Variants in CCDC171 observed in about 807,000 individuals in gnomAD.
The protein encoded by CCDC171 is coiled-coil domain-containing protein 171.
Under a neutral mutation model 168.2 loss-of-function variants are expected in CCDC171, and 177 were observed. That is an observed-to-expected ratio of 1.05 (90% CI 0.93 to 1.19). The LOEUF (loss-of-function observed/expected upper bound fraction) is 1.19, where lower values mean the gene tolerates loss of function less well. Ranked by LOEUF, CCDC171 falls within the 50% of genes most tolerant of loss-of-function variation. The pLI, the probability that CCDC171 is intolerant of heterozygous loss-of-function variation, is 0.00. For synonymous variants in CCDC171, 687 were observed against 540.8 expected, an observed-to-expected ratio of 1.27 and a Z score of -3.75; for missense variants, 1,991 against 1,539.0, an observed-to-expected ratio of 1.29 and a Z score of -4.91.
intron 7 of CCDC171, among the ~76,000 whole-genome samples, chr9:15,634,808 C>T (rs774960702): frequency 6.6e-5 from 10 of 152,084 alleles, no homozygotes; most frequent in Admixed American, 1.3e-4. Context: ...TTTCCTATTC[C>T]CCTTTCCTCT....
Position 15,971,889 on chromosome 9 carries a change from T to A in CCDC171, c.*53T>A. ...AGTTAACAGTACAATTAAAATTGTT[T>A]TGAATGGGAATTTTCTTATCAGTTG... On this transcript the variant is annotated 3_prime_UTR_variant, in exon 26 of 26. Transcript: ENST00000380701. 2 of 1,456,940 alleles carry A rather than the reference T, an allele frequency of 1.4e-6. No individual in the cohort carries two copies. The highest frequency in any genetic ancestry group is 1.4e-5 in the African/African-American group (1 of 71,234). 90.3% of individuals were successfully genotyped at this position (1,456,940 alleles called of 1,614,324 possible).
At chr9:15,730,870 A>G (rs541324580) in intron 16 of CCDC171, among the ~76,000 whole-genome samples, 1 of 152,146 alleles carries the variant, frequency 6.6e-6, no homozygotes, top group South Asian at 2.1e-4. Context: ...TTAATTTTGT[A>G]GAGGTAGCAT....
At chr9:15,939,759 G>A (rs2987068) in intron 25 of CCDC171, among the ~76,000 whole-genome samples, 150,119 of 151,966 alleles carry the variant, frequency 0.99, 74,170 homozygotes, top group Middle Eastern at 1. Context: ...GCATTCTGCT[G>A]CTTAAAAATT....
At chr9:16,012,783 G>T (rs1392549511) in intron 3 of CCDC171, among the ~76,000 whole-genome samples, 1 of 152,144 alleles carries the variant, frequency 6.6e-6, no homozygotes, top group African/African-American at 2.4e-5. Flanking sequence ...ATATTCCCCA[G>T]TGTCTGGGAT....
intron 25 of CCDC171, among the ~76,000 whole-genome samples, chr9:15,948,154 C>A (rs550861530): frequency 2.0e-5 from 3 of 151,662 alleles, no homozygotes; most frequent in Admixed American, 6.6e-5. Flanking sequence ...AGGACATGAA[C>A]TCATCATTTT....
At chr9:15,809,576 C>T (rs766375638) in intron 21 of CCDC171, among the ~76,000 whole-genome samples, 10 of 151,904 alleles carry the variant, frequency 6.6e-5, no homozygotes, top group South Asian at 2.1e-4. Flanking sequence ...CAGACTTTCG[C>T]GGTGTGTGTT....
At chr9:15,671,626 G>T (rs1587867125) in intron 9 of CCDC171, among the ~76,000 whole-genome samples, 1 of 150,574 alleles carries the variant, frequency 6.6e-6, no homozygotes, top group African/African-American at 2.4e-5. Flanking sequence ...TTCTGTCCTT[G>T]TGATAGTTTG....
chr9:15,925,341 A>C (rs1291375390), intron 25 of CCDC171, among the ~76,000 whole-genome samples: 1 of 151,506 alleles, frequency 6.6e-6, no homozygotes, highest in Non-Finnish European at 1.5e-5. Flanking sequence ...CTAGATCAGG[A>C]AAAGGGGAGT....
intron 8 of CCDC171, among the ~76,000 whole-genome samples, chr9:15,663,902 G>T (rs1023838700): frequency 6.6e-6 from 1 of 151,980 alleles, no homozygotes; most frequent in African/African-American, 2.4e-5. Flanking sequence ...CACCGCGCCC[G>T]GCTGAGAATT....
At chr9:15,955,063 A>T (rs1266402202) in intron 25 of CCDC171, among the ~76,000 whole-genome samples, 1 of 152,116 alleles carries the variant, frequency 6.6e-6, no homozygotes, top group African/African-American at 2.4e-5. Context: ...TAACTCTGGA[A>T]ATCAGATTTT....
intron 10 of CCDC171, among the ~76,000 whole-genome samples, chr9:15,694,981 T>C (rs1347918164): frequency 1.3e-5 from 2 of 152,304 alleles, no homozygotes; most frequent in Admixed American, 6.5e-5. Flanking sequence ...ATTGTGAGGA[T>C]AAAATGAATT....
intron 7 of CCDC171, among the ~76,000 whole-genome samples, chr9:15,648,701 GAC>G (rs2047247819): frequency 6.6e-6 from 1 of 152,128 alleles, no homozygotes; most frequent in Admixed American, 6.6e-5. Flanking sequence ...GGATGTGAAA[GAC>G]TTCTTCAAGG....
chr9:15,929,074 T>C (rs1475446554), intron 25 of CCDC171, among the ~76,000 whole-genome samples: 1 of 151,282 alleles, frequency 6.6e-6, no homozygotes, highest in Non-Finnish European at 1.5e-5. Flanking sequence ...ATATTAGATA[T>C]ATATTATTTT....
chr9:15,555,084 G>A (rs1422513696), intron 1 of CCDC171, among the ~76,000 whole-genome samples: 3 of 152,134 alleles, frequency 2.0e-5, no homozygotes, highest in Non-Finnish European at 4.4e-5. Flanking sequence ...TACCAGTAGT[G>A]GCTCCGAAAT....
At chr9:15,823,569 A>G (rs1381874708) in intron 21 of CCDC171, among the ~76,000 whole-genome samples, 1 of 152,124 alleles carries the variant, frequency 6.6e-6, no homozygotes, top group African/African-American at 2.4e-5. Flanking sequence ...GATACATAAT[A>G]TTGCTTACAT....
chr9:15,645,926 A>G (rs2046999493), intron 7 of CCDC171, among the ~76,000 whole-genome samples: 1 of 152,180 alleles, frequency 6.6e-6, no homozygotes, highest in African/African-American at 2.4e-5. Context: ...GAGAAGAGCA[A>G]TTCCAAGACA....
At chr9:15,878,018 A>C (rs926031535) in intron 24 of CCDC171, among the ~76,000 whole-genome samples, 1 of 152,188 alleles carries the variant, frequency 6.6e-6, no homozygotes, top group Non-Finnish European at 1.5e-5. Context: ...TCCTTAAACT[A>C]TAAAAACCCT....
the CCDC171 span, among the ~76,000 whole-genome samples, chr9:16,073,439 G>T: frequency 6.6e-6 from 1 of 152,132 alleles, no homozygotes; most frequent in African/African-American, 2.4e-5. Flanking sequence ...TTGTTACGTG[G>T]ATGTAAAATC....
intron 6 of CCDC171, among the ~76,000 whole-genome samples, chr9:15,616,300 G>A (rs1053267881): frequency 6.6e-6 from 1 of 151,750 alleles, no homozygotes; most frequent in African/African-American, 2.4e-5. Context: ...TGCCCAGTGT[G>A]GTCTTGAACT....
Sources: gnomAD v4.1 joint callset for allele counts (sites outside exome capture counted in the v4.1 genomes callset) on GRCh38, gnomAD v4.1.1 for gene constraint, MANE v1.5 for transcripts, NCBI Gene and HGNC (gene_info 2026-07-23, HGNC 2026-07-21) for gene names.